MAP3K14: variants seen among roughly 807,000 people sequenced by gnomAD.
MAP3K14 encodes NF-kappa-beta-inducing kinase.
Under a neutral mutation model 99.2 loss-of-function variants are expected in MAP3K14, and 16 were observed. The observed-to-expected ratio is 0.16, with a 90% confidence interval of 0.11 to 0.24. The LOEUF (loss-of-function observed/expected upper bound fraction) is 0.24, where lower values mean the gene tolerates loss of function less well. MAP3K14 is among the 10% of genes least tolerant of loss of function. MAP3K14 has a pLI of 1.00. For synonymous variants in MAP3K14, 462 were observed against 492.4 expected (o/e 0.94, Z 0.82); for missense variants, 784 against 1,208.7 (o/e 0.65, Z 5.21).
chr17:45,304,337 G>T (rs1387975547), intron 1 of MAP3K14, among the ~76,000 whole-genome samples: 1 of 152,064 alleles, frequency 6.6e-6, no homozygotes, highest in Admixed American at 6.5e-5. Flanking sequence ...TCATAAGATT[G>T]GAAGGTACAG....
intron 6 of MAP3K14, among the ~76,000 whole-genome samples, chr17:45,277,257 C>A (rs2044187989): frequency 6.6e-6 from 1 of 152,140 alleles, no homozygotes; most frequent in South Asian, 2.1e-4. Context: ...CACCCATTAA[C>A]TTGTCATTTA....
chr17:45,304,149 G>A (rs1488384017), intron 1 of MAP3K14, among the ~76,000 whole-genome samples: 2 of 150,920 alleles, frequency 1.3e-5, no homozygotes, highest in South Asian at 2.1e-4. Context: ...AGTTACAGGC[G>A]TCAGCCACCA....
chr17:45,307,941 T>C (rs930078891), intron 1 of MAP3K14, among the ~76,000 whole-genome samples: 1 of 152,216 alleles, frequency 6.6e-6, no homozygotes, highest in Non-Finnish European at 1.5e-5. Context: ...CTGCCCCACA[T>C]GCTCTTTGAC....
At chr17:45,293,738 GC>G (rs1218133875) in intron 1 of MAP3K14, among the ~76,000 whole-genome samples, 3 of 152,154 alleles carry the variant, frequency 2.0e-5, no homozygotes, top group African/African-American at 7.2e-5. Context: ...CTCACCGACA[GC>G]CTCCAAGTTC....
chr17:45,264,931 C>A, intron 15 of MAP3K14, 131 bp from the exon 16 acceptor site: 1 of 1,009,644 alleles, frequency 9.9e-7, no homozygotes. Context: ...CCACGGGACT[C>A]AGAGAATCCC....
chr17:45,297,141 A>G (rs1598260989), intron 1 of MAP3K14, among the ~76,000 whole-genome samples: 1 of 152,356 alleles, frequency 6.6e-6, no homozygotes, highest in East Asian at 1.9e-4. Flanking sequence ...TAGAGCATCC[A>G]ACATGGAGTT....
chr17:45,273,456 G>T, intron 9 of MAP3K14, 47 bp downstream of exon 9: 1 of 1,402,948 alleles, frequency 7.1e-7, no homozygotes, highest in Non-Finnish European at 1.0e-6. Context: ...GAAGGCATTT[G>T]GCGAATGAAT....
chr17:45,274,458 C>A lies in MAP3K14; in HGVS notation c.1420+6G>T. 6.2e-7 allele frequency: 1 copy of A among 1,613,538 alleles called. No individual in the cohort carries two copies. The highest frequency in any genetic ancestry group is 8.5e-7 in the Non-Finnish European group (1 of 1,179,720). On this transcript the variant is annotated splice_donor_region_variant and intron_variant, in intron 7 of 15. Transcript: ENST00000344686. ...TTTGGAGAAAGAGTGGGACCTGGCTCCTTACCTTCCAGCAGCTCCATGAAG... is the reference window on the plus strand; with the variant it reads ...TTTGGAGAAAGAGTGGGACCTGGCTACTTACCTTCCAGCAGCTCCATGAAG...
At chr17:45,306,920 T>A (rs1568002088) in intron 1 of MAP3K14, among the ~76,000 whole-genome samples, 1 of 152,214 alleles carries the variant, frequency 6.6e-6, no homozygotes, top group Non-Finnish European at 1.5e-5. Context: ...GTGTACTTAA[T>A]TTTATACAAT....
At chr17:45,305,092 G>GT (rs1209995707) in intron 1 of MAP3K14, among the ~76,000 whole-genome samples, 3 of 151,942 alleles carry the variant, frequency 2.0e-5, no homozygotes, top group Non-Finnish European at 4.4e-5. Flanking sequence ...TTGGTTTTAT[G>GT]TTTTTTTATT....
intron 1 of MAP3K14, among the ~76,000 whole-genome samples, chr17:45,308,127 GA>G (rs1256920503): frequency 6.6e-6 from 1 of 152,254 alleles, no homozygotes; most frequent in Non-Finnish European, 1.5e-5. Context: ...GGTAAATCAT[GA>G]AACAGCCCAC....
intron 6 of MAP3K14, among the ~76,000 whole-genome samples, chr17:45,279,734 ATTC>A (rs1423767326): frequency 1.3e-5 from 2 of 152,094 alleles, no homozygotes; most frequent in Non-Finnish European, 2.9e-5. Context: ...CTTCTTTGGT[ATTC>A]TTATCTGTTT....
chr17:45,270,491 C>T lies in MAP3K14; in HGVS notation c.1894G>A (p.Glu632Lys). ...TGGATGGGCTCTTTCCTCAGCCCCT[C>T]TTGGATGGCCTGGGCTGTGAGAGGG... is the stretch of plus-strand genomic sequence containing the variant. ...CAPLTAQAIQEGLRKEPIHRV... is the reference protein window; with the variant it reads ...CAPLTAQAIQKGLRKEPIHRV... The change falls in exon 11 of 16, where the codon GAG becomes AAG. Residue 632 changes from glutamate to lysine, a missense_variant. Glu to Lys is a moderately conservative substitution (Grantham distance 56). Transcript: ENST00000344686. 1 of 1,609,638 alleles carries T rather than the reference C, an allele frequency of 6.2e-7. No individual in the cohort carries two copies.
At position 45,272,361 on chromosome 17, in the gene MAP3K14, CA is replaced by C. The variant is rs1755036855; in HGVS notation, c.1657+1141del. Among the ~76,000 whole-genome samples, 2 of 149,246 alleles carry C rather than the reference CA, an allele frequency of 1.3e-5. No individual in the cohort carries two copies. The highest frequency in any genetic ancestry group is 4.9e-5 in the African/African-American group (2 of 41,188). On this transcript the variant is annotated intron_variant, in intron 9 of 15. Transcript: ENST00000344686. This position sits in a 1 kb window ranked among gnomAD's most constrained non-coding sequence, Gnocchi z 4.1. ...AAGTTAAAAAGAATCAGAAAAGATACATTTTTTTTTGTAACAAGAAAAAGCC... is the reference window on the plus strand; with the variant it reads ...AAGTTAAAAAGAATCAGAAAAGATACTTTTTTTTTGTAACAAGAAAAAGCC...
Position 45,289,287 on chromosome 17 carries a change from A to T in MAP3K14, c.275T>A (p.Phe92Tyr), listed in dbSNP as rs1250867933. The T allele has an allele frequency of 6.2e-7, 1 of 1,614,012 alleles. No homozygotes were observed. ...AATGCGTTCTGAAAAGGTGGGGCTG[A>T]ACTCTTGGCTATTCTCACCTAAAGC... ...AQAECENSQE[F>Y]SPTFSERIFI... Residue 92 changes from phenylalanine (F) to tyrosine (Y), a missense_variant, in exon 3 of 16, where the codon TTC becomes TAC. By Grantham distance (22) the Phe-to-Tyr change is conservative (BLOSUM62 3). Transcript: ENST00000344686.
chr17:45,275,339 G>A (rs1243582431), intron 6 of MAP3K14, among the ~76,000 whole-genome samples: 3 of 151,504 alleles, frequency 2.0e-5, no homozygotes, highest in Non-Finnish European at 2.9e-5. Flanking sequence ...GTGGTGGCAC[G>A]TGGCTGTAAT....
chr17:45,316,394 AGAG>A (rs1411199387), intron 1 of MAP3K14, among the ~76,000 whole-genome samples: 1 of 152,220 alleles, frequency 6.6e-6, no homozygotes, highest in African/African-American at 2.4e-5. Flanking sequence ...GAAGAATTAC[AGAG>A]GAGGACTGGG....
intron 6 of MAP3K14, among the ~76,000 whole-genome samples, chr17:45,276,570 G>A (rs2044181641): frequency 6.6e-6 from 1 of 151,908 alleles, no homozygotes; most frequent in African/African-American, 2.4e-5. Flanking sequence ...GGAGTGCAGT[G>A]GCGCAATCTC....
rs1220331319 is a variant in MAP3K14 at position 45,274,354 on chromosome 17, G to T, written c.1421-100C>A. ...CAGGCAGTGGAAAGCAGGGTCACAG[G>T]GTCAAGAGGTTAACAATGGATAGAT... is the stretch of plus-strand genomic sequence containing the variant. On this transcript the variant is annotated intron_variant, in intron 7 of 15. Transcript: ENST00000344686. 2.5e-6 allele frequency: 4 copies of T among 1,571,352 alleles called. No individual in the cohort carries two copies. The African/African-American group carries it at 5.4e-5, about 21-fold the overall frequency.
Sources: allele counts gnomAD v4.1 joint callset (sites outside exome capture counted in the v4.1 genomes callset), GRCh38; gene constraint gnomAD v4.1.1; non-coding constraint Gnocchi (gnomAD v3.1); transcripts MANE v1.5; gene names NCBI Gene and HGNC (gene_info 2026-07-23, HGNC 2026-07-21).